ZC3H18: variants seen among roughly 807,000 people sequenced by gnomAD.
ZC3H18 encodes the protein zinc finger CCCH-type containing 18, also known as zinc finger CCCH domain-containing protein 18.
Under a neutral mutation model 106.1 loss-of-function variants are expected in ZC3H18, and 8 were observed. The observed-to-expected ratio is 0.08, with a 90% CI of 0.04 to 0.14. The LOEUF (loss-of-function observed/expected upper bound fraction) is 0.14. Ranked by LOEUF, ZC3H18 falls within the 10% of genes least tolerant of loss-of-function variation. The pLI is 1.00. For synonymous variants in ZC3H18, 635 were observed against 522.1 expected (o/e 1.22, Z -2.95); for missense variants, 1,318 against 1,278.4 (o/e 1.03, Z -0.47).
chr16:88,625,124 G>C, intron 12 of ZC3H18, 78 bp from the exon 13 acceptor site: 1 of 1,510,712 alleles, frequency 6.6e-7, no homozygotes, highest in Admixed American at 2.0e-5. Flanking sequence ...CACCTCACAG[G>C]GCTGCTGGTG....
In ZC3H18 at chr16:88,631,577, C is replaced by T. The variant is rs1406101042; in HGVS notation, c.*278C>T. ...AATTACAAGCCCCAGCCGCCAGCCC[C>T]GCCTTCTCTTCCTCCTCCTCCGTCT... On this transcript the variant is annotated 3_prime_UTR_variant, in exon 18 of 18. Transcript: ENST00000301011. 7.5e-6 allele frequency: 4 copies of T among 535,176 alleles called. No individual in the cohort carries two copies. The highest frequency in any genetic ancestry group is 1.9e-5 in the African/African-American group (1 of 52,910). The allele number at this position is 535,176 out of a possible 1,614,324, so 33.2% of individuals were successfully genotyped here.
At chr16:88,591,635 C>T (rs1202858456) in intron 3 of ZC3H18, among the ~76,000 whole-genome samples, 1 of 152,080 alleles carries the variant, frequency 6.6e-6, no homozygotes, top group African/African-American at 2.4e-5. Flanking sequence ...GGGTGTTTCC[C>T]TCATCTGTGG....
intron 3 of ZC3H18, among the ~76,000 whole-genome samples, chr16:88,595,747 A>G (rs1904399585): frequency 6.6e-6 from 1 of 151,448 alleles, no homozygotes; most frequent in Non-Finnish European, 1.5e-5. Flanking sequence ...CAGAGGTTGC[A>G]ATGAGCCTAG....
chr16:88,622,381 T>G lies in ZC3H18; in HGVS notation c.1660T>G (p.Ser554Ala), dbSNP rs768005851. The G allele has an allele frequency of 6.2e-6, 10 of 1,608,106 alleles. No homozygotes were observed. Among genetic ancestry groups the G allele is most frequent in the Non-Finnish European group, 6.8e-6 (8 of 1,176,738 alleles). The change falls in exon 9 of 18, where the codon TCC becomes GCC. Residue 554 changes from serine to alanine, a missense_variant. Transcript: ENST00000301011. ...TSASSASASN[S>A]SRSSSRSSSY... is the part of the protein sequence containing the mutation. Reference sequence around the variant, plus strand: ...AGCCTCGTCAGCCTCTGCCTCTAATTCCTCCAGGTAAGGAGGGCTCGTGGG... The same window carrying G: ...AGCCTCGTCAGCCTCTGCCTCTAATGCCTCCAGGTAAGGAGGGCTCGTGGG...
At chr16:88,591,218 C>T (rs1915732703) in intron 3 of ZC3H18, among the ~76,000 whole-genome samples, 2 of 152,006 alleles carry the variant, frequency 1.3e-5, no homozygotes, top group African/African-American at 4.8e-5. Context: ...GATCTGCCCT[C>T]CTCGGCCTCC....
chr16:88,610,959 T>G (rs185751493), intron 7 of ZC3H18, among the ~76,000 whole-genome samples: 12 of 152,330 alleles, frequency 7.9e-5, no homozygotes, highest in Admixed American at 2.0e-4. Flanking sequence ...ACTCCTAGTT[T>G]GTGTTTGCTC....
chr16:88,610,860 G>C (rs1008673705), intron 7 of ZC3H18, among the ~76,000 whole-genome samples: 4 of 152,244 alleles, frequency 2.6e-5, no homozygotes, highest in African/African-American at 9.6e-5. Flanking sequence ...AGGCCACACG[G>C]CGGAAGGCCA....
Position 88,631,627 on chromosome 16 carries a change from G to A in ZC3H18, c.*328G>A. On this transcript the variant is annotated 3_prime_UTR_variant, in exon 18 of 18. Coordinates refer to ENST00000301011, the MANE Select transcript of ZC3H18 (RefSeq NM_144604.4). The stretch of plus-strand genomic sequence containing the variant: ...TTCTTCCCTGGCCCTGGTCAGGCCT[G>A]TGGAGCCCCAGCTCTGGGTCCCTAG... 2.1e-6 allele frequency: 1 copy of A among 481,636 alleles called. No homozygotes were observed. The highest frequency in any genetic ancestry group is 4.1e-6 in the Non-Finnish European group (1 of 244,302). The allele number at this position is 481,636 out of a possible 1,614,324, so 29.8% of individuals were successfully genotyped here. A position where few individuals can be genotyped will look rare whatever the true frequency, so the allele number is the denominator to read the frequency against.
intron 17 of ZC3H18, 114 bp downstream of exon 17, chr16:88,630,695 A>G: frequency 1.2e-6 from 1 of 820,878 alleles, no homozygotes; most frequent in Non-Finnish European, 1.9e-6. Flanking sequence ...AGGCGTCACT[A>G]CAGCTCCTGC....
intron 3 of ZC3H18, among the ~76,000 whole-genome samples, chr16:88,596,734 C>G (rs889061106): frequency 3.3e-5 from 5 of 152,128 alleles, no homozygotes; most frequent in African/African-American, 1.2e-4. Flanking sequence ...TTACAATGAG[C>G]TTTTGTTACT....
intron 2 of ZC3H18, among the ~76,000 whole-genome samples, chr16:88,579,602 G>A (rs367633240): frequency 2.0e-5 from 3 of 152,150 alleles, no homozygotes; most frequent in Non-Finnish European, 4.4e-5. Flanking sequence ...GCTGCCAAGG[G>A]CCTGGACATG....
chr16:88,592,230 A>G lies in ZC3H18; in HGVS notation c.688+5546A>G, dbSNP rs79229001. ...GTAGCCATTTCAGTGGGTAGGAGGT[A>G]ATATCTTACTGGGTTTTGATCTGCC... On this transcript the variant is annotated intron_variant, in intron 3 of 17. Transcript: ENST00000301011. Among the ~76,000 whole-genome samples, 122 of 152,160 alleles carry G rather than the reference A, an allele frequency of 8.0e-4. 1 individual carries two copies. The East Asian group carries it at 0.018, about 23-fold the overall frequency.
intron 6 of ZC3H18, among the ~76,000 whole-genome samples, chr16:88,604,652 CTCCAGCCTGG>C (rs1904922967): frequency 6.6e-6 from 1 of 152,174 alleles, no homozygotes; most frequent in African/African-American, 2.4e-5. Context: ...CGCCACTGCA[CTCCAGCCTGG>C]GCGACAGAGC....
intron 11 of ZC3H18, 65 bp downstream of exon 11, chr16:88,624,127 T>C: frequency 6.3e-7 from 1 of 1,576,172 alleles, no homozygotes; most frequent in Non-Finnish European, 8.6e-7. Flanking sequence ...GCCTCCTCCC[T>C]CCGTCTCTAT....
intron 10 of ZC3H18, 184 bp from the exon 11 acceptor site, chr16:88,623,774 C>G (rs1906118776): frequency 1.7e-6 from 2 of 1,164,408 alleles, no homozygotes; most frequent in Admixed American, 3.3e-5. Flanking sequence ...CTTCCACGCT[C>G]TCTGGTCTAC....
At chr16:88,624,341 G>A (rs965536045) in intron 11 of ZC3H18, 4 of 658,312 alleles carry the variant, frequency 6.1e-6, no homozygotes, top group African/African-American at 1.8e-5. Context: ...CTTCCTATTA[G>A]CCTGCTCTCC....
intron 16 of ZC3H18, 145 bp from the exon 17 acceptor site, chr16:88,630,340 C>A: frequency 1.6e-6 from 1 of 622,560 alleles, no homozygotes; most frequent in East Asian, 2.9e-5. Flanking sequence ...ACTTGGCTCT[C>A]CCCTTTTTAT....
intron 11 of ZC3H18, chr16:88,624,344 T>C (rs1212618704): frequency 1.5e-6 from 1 of 658,428 alleles, no homozygotes; most frequent in Non-Finnish European, 2.6e-6. Context: ...CCTATTAGCC[T>C]GCTCTCCCCA....
chr16:88,570,602 C>T (rs939057602), intron 1 of ZC3H18, 36 bp downstream of exon 1: 6 of 150,916 alleles, frequency 4.0e-5, no homozygotes, highest in South Asian at 3.7e-4. Context: ...GGAGGCCGGG[C>T]CGGCGGCGGC....
Sources: allele counts gnomAD v4.1 joint callset (sites outside exome capture counted in the v4.1 genomes callset), GRCh38; gene constraint gnomAD v4.1.1; transcripts MANE v1.5; gene names NCBI Gene and HGNC (gene_info 2026-07-23, HGNC 2026-07-21).